Variants in TMEM131 observed in about 807,000 individuals in gnomAD.
TMEM131 encodes transmembrane protein 131.
In TMEM131, 66 loss-of-function variants were observed where a neutral mutation model predicts 211.6. That is an observed-to-expected ratio of 0.31 (90% CI 0.26 to 0.38). The LOEUF is 0.38. Ranked by LOEUF, TMEM131 falls within the 10% of genes least tolerant of loss-of-function variation. The pLI, the probability that TMEM131 is intolerant of heterozygous loss-of-function variation, is 1.00. For synonymous variants in TMEM131, 844 were observed against 841.3 expected, an observed-to-expected ratio of 1.00 and a Z score of -0.06; for missense variants, 2,036 against 2,299.3, an observed-to-expected ratio of 0.89 and a Z score of 2.34.
chr2:97,979,576 C>T (rs1023126895), intron 1 of TMEM131, among the ~76,000 whole-genome samples: 4 of 152,226 alleles, frequency 2.6e-5, no homozygotes, highest in African/African-American at 7.2e-5. Context: ...CATGAACCAA[C>T]CTCTCCTGGC....
chr2:97,942,206 T>C (rs1317174453), intron 1 of TMEM131, among the ~76,000 whole-genome samples: 2 of 151,856 alleles, frequency 1.3e-5, no homozygotes, highest in African/African-American at 4.8e-5. Flanking sequence ...ACCATCGTTC[T>C]GAGCAAACTA....
intron 8 of TMEM131, among the ~76,000 whole-genome samples, chr2:97,835,373 C>T (rs1682891455): frequency 6.6e-6 from 1 of 152,102 alleles, no homozygotes; most frequent in African/African-American, 2.4e-5. Context: ...TGATAACCAG[C>T]AGGGCTTACA....
chr2:97,837,137 A>G lies in TMEM131; in HGVS notation c.744T>C (p.Ser248=), dbSNP rs1453967100. 2 of 1,600,826 alleles carry G rather than the reference A, an allele frequency of 1.2e-6. No homozygotes were observed. The highest frequency in any genetic ancestry group is 1.8e-5 in the Admixed American group (1 of 56,630). The change falls in exon 8 of 41, where the codon AGT becomes AGC. Residue 248 remains serine, a synonymous_variant. Transcript: ENST00000186436. ...GGAGTTCTAGGTGAAGGTCTCCTCC[A>G]CTAGAGTACATTTCTACAACCTGGG... is the stretch of plus-strand genomic sequence containing the variant. ...EPLQVVEMYS[S]GGDLHLELPT...
At chr2:97,886,363 TATA>T (rs1376331906) in intron 4 of TMEM131, among the ~76,000 whole-genome samples, 2 of 152,242 alleles carry the variant, frequency 1.3e-5, no homozygotes, top group Admixed American at 1.3e-4. Context: ...TGTTGATTTC[TATA>T]CATCTGGTAG....
At chr2:97,818,978 G>T (rs755570964) in intron 11 of TMEM131, among the ~76,000 whole-genome samples, 6 of 152,198 alleles carry the variant, frequency 3.9e-5, no homozygotes, top group Non-Finnish European at 8.8e-5. Context: ...TACATTTGGT[G>T]TGAGTACATA....
chr2:97,760,013 C>T (rs538424173), intron 38 of TMEM131: 48 of 406,636 alleles, frequency 1.2e-4, no homozygotes, highest in Non-Finnish European at 1.8e-4. Flanking sequence ...ACATTTTTTC[C>T]TTCTGTTTGC....
chr2:97,957,522 A>G (rs942201350), intron 1 of TMEM131, among the ~76,000 whole-genome samples: 1 of 152,132 alleles, frequency 6.6e-6, no homozygotes, highest in African/African-American at 2.4e-5. Flanking sequence ...ACTGACTATA[A>G]ACAGAAAGTA....
At chr2:97,853,205 AAGGCT>A in intron 5 of TMEM131, among the ~76,000 whole-genome samples, 1 of 152,304 alleles carries the variant, frequency 6.6e-6, no homozygotes, top group Non-Finnish European at 1.5e-5. Context: ...TACACTGCTT[AAGGCT>A]ATAGCTGCCA....
intron 11 of TMEM131, among the ~76,000 whole-genome samples, chr2:97,828,917 A>G (rs1255506451): frequency 3.9e-5 from 6 of 152,124 alleles, no homozygotes. Flanking sequence ...TCTCCTTGTC[A>G]AATTTGTTTC....
intron 39 of TMEM131, 198 bp downstream of exon 39, chr2:97,759,454 C>T (rs991190941): frequency 3.6e-5 from 21 of 580,024 alleles, no homozygotes; most frequent in Admixed American, 9.0e-5. Flanking sequence ...CACACCGTGT[C>T]GAGCCTGGTC....
At chr2:97,820,036 C>A (rs1682037195) in intron 11 of TMEM131, among the ~76,000 whole-genome samples, 1 of 152,216 alleles carries the variant, frequency 6.6e-6, no homozygotes, top group South Asian at 2.1e-4. Flanking sequence ...ACTGCTAGAG[C>A]AGCTCCCTTT....
At chr2:97,873,696 C>G (rs989423835) in intron 4 of TMEM131, among the ~76,000 whole-genome samples, 1 of 152,084 alleles carries the variant, frequency 6.6e-6, no homozygotes, top group Non-Finnish European at 1.5e-5. Context: ...AATAGCACGT[C>G]CACTCAAAGA....
intron 1 of TMEM131, among the ~76,000 whole-genome samples, chr2:97,986,222 G>A (rs182918000): frequency 3.9e-5 from 6 of 152,306 alleles, no homozygotes; most frequent in African/African-American, 1.2e-4. Flanking sequence ...TAAGAAAAGA[G>A]TAACAGCCAG....
chr2:97,821,057 C>T (rs527966156), intron 11 of TMEM131, among the ~76,000 whole-genome samples: 148 of 152,266 alleles, frequency 9.7e-4, no homozygotes, highest in Non-Finnish European at 1.9e-3. Context: ...TCCTGAAGTT[C>T]CTCATTTGCT....
chr2:97,856,307 TATAG>T (rs1459437388), intron 5 of TMEM131, among the ~76,000 whole-genome samples: 1 of 152,126 alleles, frequency 6.6e-6, no homozygotes, highest in African/African-American at 2.4e-5. Flanking sequence ...AACAGATAAT[TATAG>T]ATAATTACAA....
chr2:97,991,355 G>T (rs974617893), intron 1 of TMEM131, among the ~76,000 whole-genome samples: 9 of 152,184 alleles, frequency 5.9e-5, no homozygotes, highest in Non-Finnish European at 1.3e-4. Context: ...GGCGAAAGGC[G>T]GTAGGAGAGA....
At chr2:97,848,437 A>T (rs1474773653) in intron 5 of TMEM131, among the ~76,000 whole-genome samples, 1 of 152,226 alleles carries the variant, frequency 6.6e-6, no homozygotes, top group African/African-American at 2.4e-5. Context: ...CTAAAAAACA[A>T]TGTAGCATTT....
intron 1 of TMEM131, among the ~76,000 whole-genome samples, chr2:97,964,397 A>G (rs759294431): frequency 1.3e-5 from 2 of 152,204 alleles, no homozygotes; most frequent in African/African-American, 2.4e-5. Context: ...CTTTAGAGTA[A>G]ATTCAGTTCC....
At chr2:97,948,743 C>T (rs529970609) in intron 1 of TMEM131, among the ~76,000 whole-genome samples, 2 of 151,478 alleles carry the variant, frequency 1.3e-5, no homozygotes, top group South Asian at 2.1e-4. Context: ...CTGCAAGCTC[C>T]GCCTTCCAGG....
Sources: allele counts gnomAD v4.1 joint callset (sites outside exome capture counted in the v4.1 genomes callset), GRCh38; gene constraint gnomAD v4.1.1; transcripts MANE v1.5; gene names NCBI Gene and HGNC (gene_info 2026-07-23, HGNC 2026-07-21).